Variants in SH3RF2 observed in about 807,000 individuals in gnomAD.
SH3RF2 encodes the protein SH3 domain containing ring finger 2.
Under a neutral mutation model 59.0 loss-of-function variants are expected in SH3RF2, and 43 were observed. The ratio of observed to expected loss-of-function variants is 0.73; its 90% confidence interval spans 0.57 to 0.94. SH3RF2 has a LOEUF of 0.94. Among genes scored for constraint, SH3RF2 ranks in the 40% least tolerant of loss-of-function variants. The pLI is 0.00. For synonymous variants in SH3RF2, 391 were observed against 391.5 expected, an observed-to-expected ratio of 1.00 and a Z score of 0.01; for missense variants, 930 against 940.1, an observed-to-expected ratio of 0.99 and a Z score of 0.14.
chr5:146,066,388 G>A (rs1763107249), downstream of SH3RF2, among the ~76,000 whole-genome samples: 2 of 152,220 alleles, frequency 1.3e-5, no homozygotes, highest in Non-Finnish European at 2.9e-5. Flanking sequence ...ATAATACAGT[G>A]TAGTGCCAAC....
chr5:146,019,128 ATTTATT>A (rs1488891171), intron 5 of SH3RF2, among the ~76,000 whole-genome samples: 3 of 151,712 alleles, frequency 2.0e-5, no homozygotes, highest in African/African-American at 7.3e-5. Flanking sequence ...GGTTTCATTT[ATTTATT>A]TTTGTCTTTG....
intron 5 of SH3RF2, among the ~76,000 whole-genome samples, chr5:146,040,566 A>G (rs927550962): frequency 6.6e-6 from 1 of 152,154 alleles, no homozygotes; most frequent in Admixed American, 6.5e-5. Flanking sequence ...TTTGATGACT[A>G]CTTGGGAACT....
intron 3 of SH3RF2, among the ~76,000 whole-genome samples, 160 bp from the exon 4 acceptor site, chr5:146,003,898 T>C (rs897970647): frequency 3.9e-5 from 6 of 152,242 alleles, no homozygotes; most frequent in African/African-American, 4.8e-5. Context: ...CTGCCCTTTA[T>C]GGAGAAAGTT....
At chr5:146,008,802 A>C (rs777029328) in intron 4 of SH3RF2, among the ~76,000 whole-genome samples, 3 of 152,154 alleles carry the variant, frequency 2.0e-5, no homozygotes, top group African/African-American at 7.2e-5. Flanking sequence ...TCCCCAACTC[A>C]TAAGTGCTGG....
chr5:146,033,162 G>C (rs1430041239), intron 5 of SH3RF2, among the ~76,000 whole-genome samples: 1 of 151,918 alleles, frequency 6.6e-6, no homozygotes, highest in East Asian at 1.9e-4. Context: ...TTTGTTGTGA[G>C]GATTATATGA....
chr5:146,072,591 AAC>A (rs1763261710), intron 9 of SH3RF2, among the ~76,000 whole-genome samples: 1 of 152,130 alleles, frequency 6.6e-6, no homozygotes. Context: ...GAATCACTTG[AAC>A]CCGGGAGGCA....
chr5:146,060,779 A>T (rs1762860812), intron 9 of SH3RF2, among the ~76,000 whole-genome samples: 1 of 152,236 alleles, frequency 6.6e-6, no homozygotes, highest in Non-Finnish European at 1.5e-5. Flanking sequence ...CTGAATGATA[A>T]TGACTCCAAC....
rs114110122 is a variant in SH3RF2 at position 145,991,569 on chromosome 5, C to T, written c.379-8489C>T. Among the ~76,000 whole-genome samples, 573 of 151,998 alleles carry T rather than the reference C, an allele frequency of 3.8e-3. 11 individuals carry two copies. The highest frequency in any genetic ancestry group is 0.012 in the African/African-American group (509 of 41,440). ...CTACCAGAGGAGGGATTATCCAAAA[C>T]GGAGAAAAAGAAGAAAGAGGGTCTT... On this transcript the variant is annotated intron_variant, in intron 2 of 9. Coordinates refer to ENST00000359120, the MANE Select transcript of SH3RF2 (RefSeq NM_152550.4).
At chr5:146,022,104 A>G (rs755737535) in intron 5 of SH3RF2, among the ~76,000 whole-genome samples, 1 of 152,250 alleles carries the variant, frequency 6.6e-6, no homozygotes, top group Non-Finnish European at 1.5e-5. Context: ...AGAATAGTAT[A>G]ATGAACCCTC....
chr5:145,983,517 A>G (rs1759587035), intron 2 of SH3RF2, among the ~76,000 whole-genome samples: 1 of 152,232 alleles, frequency 6.6e-6, no homozygotes, highest in Admixed American at 6.5e-5. Context: ...ATTCATTCCC[A>G]GACAAGCCAG....
chr5:145,997,091 A>T (rs1760193136), intron 2 of SH3RF2: 1 of 584,198 alleles, frequency 1.7e-6, no homozygotes, highest in Non-Finnish European at 3.1e-6. Flanking sequence ...ACACAGGTAA[A>T]CTCGTATCAC....
intron 2 of SH3RF2, among the ~76,000 whole-genome samples, chr5:145,995,951 C>T (rs1478501100): frequency 6.6e-6 from 1 of 152,098 alleles, no homozygotes; most frequent in Non-Finnish European, 1.5e-5. Context: ...ATAATTTATT[C>T]AACCAATTCC....
At chr5:146,079,502 A>G (rs1007707354) in exon 10 of SH3RF2, 1 of 152,252 alleles carries the variant, frequency 6.6e-6, no homozygotes, top group Non-Finnish European at 1.5e-5. Context: ...CAAATGCAGC[A>G]TCACTGGGAT....
At chr5:145,997,800 A>G (rs1760227105) in intron 2 of SH3RF2, 2 of 1,540,200 alleles carry the variant, frequency 1.3e-6, no homozygotes, top group South Asian at 1.1e-5. Context: ...AAGAAAAAAA[A>G]TTAAGCTAGG....
At chr5:145,970,170 A>C (rs7725650) in intron 2 of SH3RF2, among the ~76,000 whole-genome samples, 32,886 of 150,992 alleles carry the variant, frequency 0.22, 5,247 homozygotes, top group African/African-American at 0.44. Flanking sequence ...ATTTTTGTTA[A>C]TTGGATAATT....
At chr5:146,064,779 GGAA>G (rs1763041398), downstream of SH3RF2, among the ~76,000 whole-genome samples, 1 of 6,488 alleles carries the variant, frequency 1.5e-4, no homozygotes, top group Non-Finnish European at 4.5e-4. Context: ...AGGAAGGAAA[GGAA>G]GGAAGGAAGG....
At chr5:146,047,217 C>T (rs902167377) in intron 5 of SH3RF2, among the ~76,000 whole-genome samples, 1 of 150,106 alleles carries the variant, frequency 6.7e-6, no homozygotes, top group Admixed American at 6.6e-5. Flanking sequence ...GGGCTCAGAA[C>T]TTGGACTACC....
intron 2 of SH3RF2, among the ~76,000 whole-genome samples, chr5:145,993,954 A>G (rs536694620): frequency 1.3e-5 from 2 of 152,328 alleles, no homozygotes; most frequent in East Asian, 3.9e-4. Flanking sequence ...AAATTTTCCC[A>G]ACTTTTATGC....
intron 2 of SH3RF2, among the ~76,000 whole-genome samples, chr5:145,999,110 C>T (rs1760288282): frequency 6.6e-6 from 1 of 151,736 alleles, no homozygotes; most frequent in Non-Finnish European, 1.5e-5. Context: ...ATATTGATGG[C>T]TTGTTGCTTC....
Sources: gnomAD v4.1 joint callset for allele counts (sites outside exome capture counted in the v4.1 genomes callset) on GRCh38, gnomAD v4.1.1 for gene constraint, MANE v1.5 for transcripts, NCBI Gene and HGNC (gene_info 2026-07-23, HGNC 2026-07-21) for gene names.